Variants in GPATCH2 observed in about 807,000 individuals in gnomAD.
GPATCH2 encodes G patch domain-containing protein 2.
Under a neutral mutation model 58.0 loss-of-function variants are expected in GPATCH2, and 51 were observed. That is an observed-to-expected ratio of 0.88 (90% CI 0.70 to 1.11). The LOEUF (loss-of-function observed/expected upper bound fraction) is 1.11. Ranked by LOEUF, GPATCH2 falls within the 50% of genes most tolerant of loss-of-function variation. GPATCH2 has a pLI of 0.00. For synonymous variants in GPATCH2, 222 were observed against 218.5 expected, an observed-to-expected ratio of 1.02 and a Z score of -0.14; for missense variants, 625 against 652.2, an observed-to-expected ratio of 0.96 and a Z score of 0.45.
chr1:217,515,875 TATAA>T (rs1361933367), intron 5 of GPATCH2, among the ~76,000 whole-genome samples: 2 of 151,660 alleles, frequency 1.3e-5, no homozygotes, highest in Non-Finnish European at 2.9e-5. Flanking sequence ...AGATCCTAAA[TATAA>T]ATAACATGTA....
intron 5 of GPATCH2, among the ~76,000 whole-genome samples, chr1:217,535,425 C>A (rs1458378205): frequency 6.6e-6 from 1 of 152,180 alleles, no homozygotes; most frequent in Non-Finnish European, 1.5e-5. Context: ...GCCCAGCTCA[C>A]TGCAAGTTCC....
At chr1:217,578,110 G>A (rs1478358618) in intron 5 of GPATCH2, among the ~76,000 whole-genome samples, 1 of 136,928 alleles carries the variant, frequency 7.3e-6, no homozygotes, top group Non-Finnish European at 1.6e-5. Flanking sequence ...GGATCACAAA[G>A]TACCAGGCAA....
chr1:217,431,371 A>G lies in GPATCH2; in HGVS notation c.1367-6T>C. On this transcript the variant is annotated splice_polypyrimidine_tract_variant and splice_region_variant and intron_variant, in intron 9 of 9. Transcript: ENST00000366935. ...GGCATTTTCACCTACAAATCCTGAA[A>G]TGATAAAACAACAGCACACATTAAT... 2.1e-6 allele frequency: 3 copies of G among 1,457,530 alleles called. No individual in the cohort carries two copies. The highest frequency in any genetic ancestry group is 2.9e-6 in the Non-Finnish European group (3 of 1,036,674). 90.3% of individuals were successfully genotyped at this position (1,457,530 alleles called of 1,614,324 possible). A position where few individuals can be genotyped will look rare whatever the true frequency, so the allele number is the denominator to read the frequency against.
chr1:217,630,956 C>T lies in GPATCH2; in HGVS notation c.16G>A (p.Gly6Arg), dbSNP rs1380429757. The T allele has an allele frequency of 2.5e-6, 4 of 1,588,048 alleles. No homozygotes were observed. The African/African-American group carries it at 4.0e-5, about 16-fold the overall frequency. MFGAA[G>R]RQPIGAPAAG... is the part of the protein sequence containing the mutation. ...GCTGGAGCTCCGATCGGTTGGCGCC[C>T]GGCGGCCCCGAACATTAACGACACC... The change falls in exon 1 of 10, where the codon GGG becomes AGG. Residue 6 changes from glycine (G) to arginine (R), a missense_variant. By Grantham distance (125) the Gly-to-Arg change is moderately radical. Coordinates refer to ENST00000366935, the MANE Select transcript of GPATCH2 (RefSeq NM_018040.5).
intron 5 of GPATCH2, among the ~76,000 whole-genome samples, chr1:217,591,322 C>T (rs941822647): frequency 2.0e-5 from 3 of 151,602 alleles, no homozygotes; most frequent in African/African-American, 7.3e-5. Flanking sequence ...TGTGTGTGTG[C>T]GTAAGACTAA....
chr1:217,510,738 A>C (rs1265009957), intron 6 of GPATCH2, among the ~76,000 whole-genome samples: 1 of 152,184 alleles, frequency 6.6e-6, no homozygotes, highest in Non-Finnish European at 1.5e-5. Flanking sequence ...TTTTGTGCCC[A>C]AAGTCACAAA....
intron 5 of GPATCH2, among the ~76,000 whole-genome samples, chr1:217,602,886 C>G (rs1261197830): frequency 6.6e-6 from 1 of 151,862 alleles, no homozygotes; most frequent in Non-Finnish European, 1.5e-5. Context: ...ATTTTGTGAC[C>G]AAGAAATGAA....
chr1:217,573,293 G>A (rs886536454), intron 5 of GPATCH2, among the ~76,000 whole-genome samples: 1 of 151,988 alleles, frequency 6.6e-6, no homozygotes, highest in Non-Finnish European at 1.5e-5. Context: ...GAGGGTCTTT[G>A]TTGTTGTAAA....
intron 5 of GPATCH2, among the ~76,000 whole-genome samples, chr1:217,519,035 G>A (rs1221242217): frequency 6.6e-6 from 1 of 152,160 alleles, no homozygotes; most frequent in Non-Finnish European, 1.5e-5. Flanking sequence ...CTTCTTTGAA[G>A]AAAGAAACAA....
chr1:217,473,517 A>G (rs1249111052), intron 8 of GPATCH2, among the ~76,000 whole-genome samples: 2 of 152,168 alleles, frequency 1.3e-5, no homozygotes, highest in Non-Finnish European at 2.9e-5. Flanking sequence ...TTTGAGGTAC[A>G]TGAAAATGAC....
rs571282728 is a variant in GPATCH2, at chr1:217,476,657, G to A, written c.1277+15023C>T. On this transcript the variant is annotated intron_variant, in intron 8 of 9. Coordinates refer to ENST00000366935, the MANE Select transcript of GPATCH2 (RefSeq NM_018040.5). ...CAAAACGGAACCAAACTCAGCTGACGCCTGCCCACGGAGGAAACATTTAAA... is the reference window on the plus strand; with the variant it reads ...CAAAACGGAACCAAACTCAGCTGACACCTGCCCACGGAGGAAACATTTAAA... 1.8e-4 allele frequency among the ~76,000 whole-genome samples: 27 copies of A among 152,230 alleles called. No individual in the cohort carries two copies. The South Asian group carries it at 5.4e-3, about 30-fold the overall frequency.
At chr1:217,440,408 C>A (rs1433867629) in intron 9 of GPATCH2, among the ~76,000 whole-genome samples, 13 of 152,160 alleles carry the variant, frequency 8.5e-5, no homozygotes, top group Admixed American at 8.5e-4. Flanking sequence ...CAATATCATA[C>A]TGAATGGGCA....
At chr1:217,569,677 G>A (rs796259399) in intron 5 of GPATCH2, among the ~76,000 whole-genome samples, 12 of 152,080 alleles carry the variant, frequency 7.9e-5, no homozygotes, top group African/African-American at 2.4e-4. Flanking sequence ...ACTGGGCGAC[G>A]AGAGCAAAAC....
chr1:217,548,662 C>T (rs1665196075), intron 5 of GPATCH2, among the ~76,000 whole-genome samples: 1 of 152,142 alleles, frequency 6.6e-6, no homozygotes, highest in South Asian at 2.1e-4. Flanking sequence ...CCCCATGTGT[C>T]ATGGGAGGAA....
intron 6 of GPATCH2, 60 bp from the exon 7 acceptor site, chr1:217,498,455 TG>T: frequency 7.9e-7 from 1 of 1,259,206 alleles, no homozygotes; most frequent in Non-Finnish European, 1.2e-6. Context: ...TGCTCTCACA[TG>T]ATCGAGCCGC....
chr1:217,608,632 C>G, intron 5 of GPATCH2: 1 of 983,132 alleles, frequency 1.0e-6, no homozygotes, highest in Non-Finnish European at 1.2e-6. Flanking sequence ...AACTAGATAG[C>G]ATTCATCTAG....
At chr1:217,542,808 C>T (rs569115997) in intron 5 of GPATCH2, among the ~76,000 whole-genome samples, 20 of 152,278 alleles carry the variant, frequency 1.3e-4, no homozygotes, top group Admixed American at 5.9e-4. Flanking sequence ...TAATATCCTC[C>T]AGAGTTGACA....
chr1:217,565,698 C>G (rs1666189944), intron 5 of GPATCH2, among the ~76,000 whole-genome samples: 2 of 152,088 alleles, frequency 1.3e-5, no homozygotes, highest in Non-Finnish European at 2.9e-5. Context: ...TTCAGGTAAC[C>G]AAGTGTTCTA....
At chr1:217,443,210 GT>G (rs2102542033) in intron 9 of GPATCH2, among the ~76,000 whole-genome samples, 1 of 152,206 alleles carries the variant, frequency 6.6e-6, no homozygotes, top group African/African-American at 2.4e-5. Context: ...AATGGATTCT[GT>G]TTTCTTCTAC....
Sources: gnomAD v4.1 joint callset for allele counts (sites outside exome capture counted in the v4.1 genomes callset) on GRCh38, gnomAD v4.1.1 for gene constraint, MANE v1.5 for transcripts, NCBI Gene and HGNC (gene_info 2026-07-23, HGNC 2026-07-21) for gene names.